Variants in NAV2 observed in about 807,000 individuals in gnomAD.
NAV2 encodes neuron navigator 2.
In NAV2, 54 loss-of-function variants were observed where a neutral mutation model predicts 223.2. The observed-to-expected ratio is 0.24, with a 90% CI of 0.19 to 0.30. NAV2 has a LOEUF of 0.30. Among genes scored for constraint, NAV2 ranks in the 10% least tolerant of loss-of-function variants. NAV2 has a pLI of 1.00. For synonymous variants in NAV2, 1,279 were observed against 1,239.3 expected, an observed-to-expected ratio of 1.03 and a Z score of -0.67; for missense variants, 2,806 against 3,147.5, an observed-to-expected ratio of 0.89 and a Z score of 2.60.
At chr11:19,811,786 G>A (rs747367802) in intron 1 of NAV2, among the ~76,000 whole-genome samples, 5 of 152,094 alleles carry the variant, frequency 3.3e-5, no homozygotes, top group Non-Finnish European at 7.4e-5. Context: ...TTATCTTTTT[G>A]TGATTTTTAT....
intron 1 of NAV2, among the ~76,000 whole-genome samples, chr11:19,655,245 G>A (rs1409705457): frequency 6.6e-6 from 1 of 152,170 alleles, no homozygotes; most frequent in Non-Finnish European, 1.5e-5. Flanking sequence ...GGAAACAACA[G>A]GTGCTAGAGA....
chr11:19,398,002 G>A (rs1358507729), intron 1 of NAV2, among the ~76,000 whole-genome samples: 1 of 152,204 alleles, frequency 6.6e-6, no homozygotes, highest in Non-Finnish European at 1.5e-5. Flanking sequence ...GATGGCCTTT[G>A]GAGAAACAGA....
intron 1 of NAV2, chr11:19,505,589 G>A (rs1486110558): frequency 6.6e-6 from 1 of 152,232 alleles, no homozygotes; most frequent in African/African-American, 2.4e-5. Context: ...GAGAGAAGAA[G>A]GAAGGCCTGT....
At chr11:19,995,539 T>C (rs972293983) in intron 11 of NAV2, among the ~76,000 whole-genome samples, 1 of 151,992 alleles carries the variant, frequency 6.6e-6, no homozygotes, top group Non-Finnish European at 1.5e-5. Flanking sequence ...TTCGAGGTGT[T>C]TGAGAGAGGT....
chr11:20,046,638 A>G (rs2057472453), intron 14 of NAV2, among the ~76,000 whole-genome samples: 1 of 134,042 alleles, frequency 7.5e-6, no homozygotes, highest in South Asian at 2.5e-4. Flanking sequence ...CTCTTAAAGA[A>G]GAAATATTTC....
chr11:20,004,636 G>A (rs182962491), intron 11 of NAV2, among the ~76,000 whole-genome samples: 3 of 152,162 alleles, frequency 2.0e-5, no homozygotes, highest in Admixed American at 1.3e-4. Context: ...CTCCCTCCCA[G>A]TGCCTTAGTG....
intron 1 of NAV2, among the ~76,000 whole-genome samples, chr11:19,469,830 G>T (rs2041906412): frequency 6.6e-6 from 1 of 152,170 alleles, no homozygotes; most frequent in Non-Finnish European, 1.5e-5. Context: ...TCTCACCTAG[G>T]CAGCTTCGGC....
chr11:19,733,476 G>A lies in NAV2; in HGVS notation c.267+19514G>A, dbSNP rs1234824635. Among the ~76,000 whole-genome samples the A allele has an allele frequency of 1.8e-4, 28 of 152,162 alleles. 1 individual carries two copies. Among genetic ancestry groups the A allele is most frequent in the Admixed American group, 1.7e-3 (26 of 15,280 alleles). On this transcript the variant is annotated intron_variant, in intron 1 of 37. Transcript: ENST00000349880. ...TTTACGGGAGACCGAAACAGTGGAA[G>A]GCATGTGCTTGCCTTCAGGTTCTGC...
At chr11:19,349,117 C>T (rs1322324072), upstream of NAV2, among the ~76,000 whole-genome samples, 2 of 152,220 alleles carry the variant, frequency 1.3e-5, no homozygotes, top group Non-Finnish European at 2.9e-5. Context: ...ATGTCACCCA[C>T]TCTTGGGTAT....
chr11:19,448,513 C>T (rs1032599583), intron 1 of NAV2, among the ~76,000 whole-genome samples: 1 of 152,214 alleles, frequency 6.6e-6, no homozygotes, highest in African/African-American at 2.4e-5. Flanking sequence ...CTGGCTCCTC[C>T]CAATCCCAAG....
intron 7 of NAV2, among the ~76,000 whole-genome samples, chr11:19,937,881 T>A (rs1331698514): frequency 6.6e-6 from 1 of 152,114 alleles, no homozygotes; most frequent in East Asian, 1.9e-4. Context: ...TGCTATAGGA[T>A]CACATTTTAG....
At chr11:19,592,559 G>T (rs1275996761) in intron 1 of NAV2, among the ~76,000 whole-genome samples, 1 of 152,070 alleles carries the variant, frequency 6.6e-6, no homozygotes, top group Non-Finnish European at 1.5e-5. Context: ...CTTCATAGTT[G>T]AATGTTTGGG....
intron 1 of NAV2, among the ~76,000 whole-genome samples, chr11:19,388,828 A>C (rs1235351275): frequency 6.6e-6 from 1 of 152,188 alleles, no homozygotes; most frequent in Non-Finnish European, 1.5e-5. Context: ...TAATCCCTAC[A>C]ACAATCCCAT....
At chr11:19,566,472 T>C (rs956877667) in intron 1 of NAV2, among the ~76,000 whole-genome samples, 1 of 152,194 alleles carries the variant, frequency 6.6e-6, no homozygotes, top group African/African-American at 2.4e-5. Flanking sequence ...CATGACTAAA[T>C]TCCACCTTTA....
intron 1 of NAV2, among the ~76,000 whole-genome samples, chr11:19,592,293 C>T (rs1457222324): frequency 6.6e-6 from 1 of 152,104 alleles, no homozygotes; most frequent in Non-Finnish European, 1.5e-5. Context: ...TGATCAGGTT[C>T]TCTCTGCCTG....
chr11:19,810,678 A>G (rs1487441643), intron 1 of NAV2, among the ~76,000 whole-genome samples: 1 of 152,162 alleles, frequency 6.6e-6, no homozygotes, highest in Non-Finnish European at 1.5e-5. Flanking sequence ...ATCTTTGTTC[A>G]TCTGTAAGCT....
intron 1 of NAV2, among the ~76,000 whole-genome samples, chr11:19,693,092 C>T (rs528796897): frequency 6.6e-5 from 10 of 152,242 alleles, no homozygotes; most frequent in Non-Finnish European, 1.0e-4. Context: ...CATTTGGTGC[C>T]CTCCTGCCCT....
intron 1 of NAV2, among the ~76,000 whole-genome samples, chr11:19,740,011 T>C (rs77724259): frequency 0.035 from 5,255 of 152,238 alleles, 280 homozygotes; most frequent in African/African-American, 0.12. Flanking sequence ...CCCTGTTTAT[T>C]CGTACTCCGA....
At chr11:19,451,062 T>C (rs1413570312) in intron 1 of NAV2, among the ~76,000 whole-genome samples, 1 of 152,132 alleles carries the variant, frequency 6.6e-6, no homozygotes, top group Non-Finnish European at 1.5e-5. Flanking sequence ...TCTGATTACC[T>C]TCCCATAATA....
Sources: gnomAD v4.1 joint callset for allele counts (sites outside exome capture counted in the v4.1 genomes callset) on GRCh38, gnomAD v4.1.1 for gene constraint, MANE v1.5 for transcripts, NCBI Gene and HGNC (gene_info 2026-07-23, HGNC 2026-07-21) for gene names.